MYOF: variants seen among roughly 807,000 people sequenced by gnomAD.
MYOF encodes the protein myoferlin.
In MYOF, 244 loss-of-function variants were observed where a neutral mutation model predicts 284.2. The observed-to-expected ratio is 0.86, with a 90% confidence interval of 0.77 to 0.95. The LOEUF is 0.95. Ranked by LOEUF, MYOF falls within the 40% of genes least tolerant of loss-of-function variation. The probability of loss-of-function intolerance (pLI) is 0.00; values close to 1 mark genes in which losing one functional copy is unlikely to be tolerated. For missense variants in MYOF, 2,496 were observed against 2,560.6 expected, an observed-to-expected ratio of 0.97 and a Z score of 0.54; for synonymous variants, 904 against 919.7, an observed-to-expected ratio of 0.98 and a Z score of 0.31.
rs988069838 is a variant in MYOF at position 93,402,851 on chromosome 10, A to C, written c.874+9T>G. ...AAGACTTCATATTGATGGGGAGAAC[A>C]TTACTTACCAGGTTCATCATAAACA... is the stretch of plus-strand genomic sequence containing the variant. On this transcript the variant is annotated intron_variant, in intron 10 of 53. Coordinates refer to ENST00000359263, the MANE Select transcript of MYOF (RefSeq NM_013451.4). 1 of 1,608,878 alleles carries C rather than the reference A, an allele frequency of 6.2e-7. No homozygotes were observed. Among genetic ancestry groups the C allele is most frequent in the Non-Finnish European group, 8.5e-7 (1 of 1,175,482 alleles).
intron 5 of MYOF, among the ~76,000 whole-genome samples, chr10:93,416,328 C>T (rs564721407): frequency 1.3e-4 from 20 of 152,006 alleles, no homozygotes; most frequent in African/African-American, 4.3e-4. Flanking sequence ...ACCAGCCTGG[C>T]CAACAGGGCA....
chr10:93,371,677 T>C (rs571548624), intron 24 of MYOF, among the ~76,000 whole-genome samples: 66 of 152,192 alleles, frequency 4.3e-4, no homozygotes, highest in Non-Finnish European at 7.2e-4. Flanking sequence ...ATCTCTATTA[T>C]AGTAAATATT....
chr10:93,368,050 G>A (rs537191420), intron 25 of MYOF, among the ~76,000 whole-genome samples: 2 of 150,734 alleles, frequency 1.3e-5, no homozygotes, highest in Admixed American at 6.6e-5. Context: ...TGGGCTGGTC[G>A]ATCATTGCTC....
intron 50 of MYOF, among the ~76,000 whole-genome samples, chr10:93,315,133 T>C (rs1564611497): frequency 6.6e-6 from 1 of 152,224 alleles, no homozygotes; most frequent in Non-Finnish European, 1.5e-5. Flanking sequence ...TGCATACTCA[T>C]TTATTTGCTG....
At chr10:93,363,826 A>G (rs1845190072) in intron 27 of MYOF, 135 bp downstream of exon 27, 4 of 644,330 alleles carry the variant, frequency 6.2e-6, no homozygotes, top group Non-Finnish European at 1.1e-5. Context: ...GGCTTAAGCT[A>G]TAAGTGGAAG....
intron 53 of MYOF, among the ~76,000 whole-genome samples, chr10:93,309,066 A>G (rs1452208580): frequency 6.6e-6 from 1 of 152,174 alleles, no homozygotes; most frequent in African/African-American, 2.4e-5. Flanking sequence ...CTCCTGTGAC[A>G]TTCAGTGCCA....
chr10:93,313,729 C>T (rs769494445), intron 50 of MYOF, among the ~76,000 whole-genome samples: 14 of 151,902 alleles, frequency 9.2e-5, no homozygotes, highest in African/African-American at 1.7e-4. Flanking sequence ...GGTGAAACCC[C>T]GTCTCTACTA....
intron 41 of MYOF, among the ~76,000 whole-genome samples, chr10:93,335,369 G>A (rs1007467763): frequency 3.4e-4 from 52 of 152,254 alleles, no homozygotes; most frequent in Middle Eastern, 6.8e-3. Flanking sequence ...AAGGAGTTGC[G>A]ACTTGACTGT....
rs1280803116 is a variant in MYOF at position 93,333,751 on chromosome 10, C to T, written c.4719+7G>A. ...TACAGGAGAAGGCCCCACACCCAAA[C>T]TCTTACCAGGCCATTGTTGTCCTGG... On this transcript the variant is annotated splice_region_variant and intron_variant, in intron 42 of 53. Coordinates refer to ENST00000359263, the MANE Select transcript of MYOF (RefSeq NM_013451.4). 4 of 1,613,758 alleles carry T rather than the reference C, an allele frequency of 2.5e-6. No individual in the cohort carries two copies. The highest frequency in any genetic ancestry group is 3.4e-6 in the Non-Finnish European group (4 of 1,179,696).
chr10:93,369,847 A>G, intron 24 of MYOF, 71 bp from the exon 25 acceptor site: 2 of 1,571,388 alleles, frequency 1.3e-6, no homozygotes, highest in Non-Finnish European at 1.7e-6. Flanking sequence ...GTTAAAGCCA[A>G]AAACAGAGGG....
intron 5 of MYOF, among the ~76,000 whole-genome samples, chr10:93,412,976 G>A (rs542168931): frequency 3.0e-4 from 46 of 152,188 alleles, no homozygotes; most frequent in African/African-American, 8.7e-4. Flanking sequence ...TCCAAGCAGC[G>A]AAGACGAACT....
chr10:93,401,304 T>A, intron 12 of MYOF, 114 bp downstream of exon 12: 5 of 1,444,660 alleles, frequency 3.5e-6, no homozygotes, highest in Non-Finnish European at 4.7e-6. Flanking sequence ...CATGAAGCCC[T>A]TTCAGAAGAA....
At chr10:93,360,781 G>C (rs1250576431) in intron 28 of MYOF, among the ~76,000 whole-genome samples, 1 of 151,956 alleles carries the variant, frequency 6.6e-6, no homozygotes, top group Non-Finnish European at 1.5e-5. Flanking sequence ...TTCTGCGTCA[G>C]GGGGGCCCTG....
chr10:93,379,877 T>C lies in MYOF; in HGVS notation c.1987A>G (p.Met663Val). 6.2e-7 allele frequency: 1 copy of C among 1,613,870 alleles called. No individual in the cohort carries two copies. Among genetic ancestry groups the C allele is most frequent in the South Asian group, 1.1e-5 (1 of 91,038 alleles). The change falls in exon 21 of 54, where the codon ATG (methionine) becomes GTG (valine). Residue 663 changes from methionine (M) to valine (V), a missense_variant. Physicochemically the swap from Met to Val is conservative, Grantham distance 21. Transcript: ENST00000359263. ...RLDAVNTLLA[M>V]AERLQTNIEA... ...GAGAAACTTACCAGCCGTTCTGCCA[T>C]AGCTAGGAGAGTGTTCACCGCATCC...
intron 4 of MYOF, among the ~76,000 whole-genome samples, chr10:93,430,453 G>A (rs537311200): frequency 8.1e-4 from 123 of 151,788 alleles, no homozygotes; most frequent in Middle Eastern, 6.8e-3. Flanking sequence ...ATGGTGGCAC[G>A]TGCCTATAAT....
intron 5 of MYOF, among the ~76,000 whole-genome samples, chr10:93,421,621 G>A (rs1007704194): frequency 3.3e-5 from 5 of 152,158 alleles, no homozygotes; most frequent in African/African-American, 1.2e-4. Context: ...GAGTTCACCT[G>A]AGAGCTGGTT....
At chr10:93,329,014 G>C in intron 44 of MYOF, 103 bp from the exon 45 acceptor site, 1 of 1,243,472 alleles carries the variant, frequency 8.0e-7, no homozygotes, top group Non-Finnish European at 1.1e-6. Context: ...CCATATAGTG[G>C]GTGCAGAAAA....
rs749508717 is a variant in MYOF, at chr10:93,323,176, G to C, written c.5361-3C>G. ...AGATGATCACACGCAGGTAGTATCTGCAAGAAGCACAGTTGGAAGGTACTT... is the reference window on the plus strand; with the variant it reads ...AGATGATCACACGCAGGTAGTATCTCCAAGAAGCACAGTTGGAAGGTACTT... On this transcript the variant is annotated splice_region_variant and splice_polypyrimidine_tract_variant and intron_variant, in intron 47 of 53. Coordinates refer to ENST00000359263, the MANE Select transcript of MYOF (RefSeq NM_013451.4). 6.2e-7 allele frequency: 1 copy of C among 1,613,894 alleles called. No individual in the cohort carries two copies. The highest frequency in any genetic ancestry group is 1.3e-5 in the African/African-American group (1 of 74,926).
rs1046038835 is a variant in MYOF at position 93,478,226 on chromosome 10, T to A, written c.88+3881A>T. On this transcript the variant is annotated intron_variant, in intron 1 of 53. Transcript: ENST00000359263. The stretch of plus-strand genomic sequence containing the variant: ...TTGGAAGAATCATCAAGTCTCAGAG[T>A]TGAAATTGGTCTCAGAGGTCTGTGT... 2.9e-5 allele frequency: 10 copies of A among 345,424 alleles called. No individual in the cohort carries two copies. The Admixed American group carries it at 3.2e-4, about 11-fold the overall frequency. 21.4% of individuals were successfully genotyped at this position (345,424 alleles called of 1,614,324 possible). A position where few individuals can be genotyped will look rare whatever the true frequency, so the allele number is the denominator to read the frequency against.
Sources: gnomAD v4.1 joint callset for allele counts (sites outside exome capture counted in the v4.1 genomes callset) on GRCh38, gnomAD v4.1.1 for gene constraint, MANE v1.5 for transcripts, NCBI Gene and HGNC (gene_info 2026-07-23, HGNC 2026-07-21) for gene names.